The following SPATA18 variants were observed in gnomAD, a reference collection of about 807,000 sequenced individuals.
SPATA18 encodes spermatogenesis associated 18, also known as mitochondria-eating protein.
A neutral mutation model predicts 68.1 loss-of-function variants in SPATA18; 54 were observed. The ratio of observed to expected loss-of-function variants is 0.79; its 90% CI spans 0.64 to 0.99. The LOEUF is 0.99. SPATA18 is among the 50% of genes least tolerant of loss of function. The probability of loss-of-function intolerance (pLI) is 0.00; values close to 1 mark genes in which losing one functional copy is unlikely to be tolerated. For missense variants in SPATA18, 724 were observed against 681.1 expected (o/e 1.06, Z -0.70); for synonymous variants, 242 against 244.8 (o/e 0.99, Z 0.11).
chr4:52,095,136 G>A lies in SPATA18; in HGVS notation c.*249G>A, dbSNP rs1184707161. On this transcript the variant is annotated 3_prime_UTR_variant, in exon 13 of 13. Transcript: ENST00000295213. ...ATAAAAATGATTGTATAGGCATTTA[G>A]GATCATATTCATTCGAAGCAAAGTC... 7.5e-6 allele frequency: 4 copies of A among 535,874 alleles called. No homozygotes were observed. Among genetic ancestry groups the A allele is most frequent in the South Asian group, 2.8e-5 (1 of 35,782 alleles). 33.2% of individuals were successfully genotyped at this position (535,874 alleles called of 1,614,324 possible).
rs1158595308 is a variant in SPATA18, at chr4:52,078,768, C to T, written c.1054C>T (p.His352Tyr). 8 of 1,591,542 alleles carry T rather than the reference C, an allele frequency of 5.0e-6. No homozygotes were observed. The highest frequency in any genetic ancestry group is 6.9e-6 in the Non-Finnish European group (8 of 1,162,410). The change falls in exon 8 of 13, where the codon CAC (histidine) becomes TAC (tyrosine). Residue 352 changes from histidine (H) to tyrosine (Y), a missense_variant. Physicochemically the swap from His to Tyr is moderately conservative, Grantham distance 83. Transcript: ENST00000295213. ...AFHVAKMAFR[H>Y]FKIHVRKSLT... is the part of the protein sequence containing the mutation. ...CCATGTAGCAAAAATGGCATTCAGA[C>T]ACTTCAAGATCCATGTGAGAAAATC...
chr4:52,071,846 C>A, intron 5 of SPATA18, 71 bp from the exon 6 acceptor site: 1 of 1,491,956 alleles, frequency 6.7e-7, no homozygotes, highest in Non-Finnish European at 9.1e-7. Context: ...TGCTTATTAC[C>A]TTTCCTTCCT....
At chr4:52,089,817 A>C (rs1030037259) in intron 11 of SPATA18, among the ~76,000 whole-genome samples, 6 of 152,178 alleles carry the variant, frequency 3.9e-5, no homozygotes, top group African/African-American at 1.2e-4. Context: ...TCTAGACCTG[A>C]GTTCAAGTCC....
chr4:52,060,398 T>C (rs374357974), intron 1 of SPATA18, 21 bp from the exon 2 acceptor site: 211 of 1,603,348 alleles, frequency 1.3e-4, no homozygotes, highest in East Asian at 2.0e-4. Flanking sequence ...ACCCTGGTTA[T>C]CTACTGTTTT....
chr4:52,059,174 C>A (rs1738611376), intron 1 of SPATA18, among the ~76,000 whole-genome samples: 1 of 152,184 alleles, frequency 6.6e-6, no homozygotes, highest in Non-Finnish European at 1.5e-5. Context: ...TTGGTTGATG[C>A]AGATGTGCTT....
chr4:52,060,628 CTGACCTGA>C, intron 2 of SPATA18, 104 bp downstream of exon 2: 2 of 1,241,722 alleles, frequency 1.6e-6, no homozygotes, highest in Non-Finnish European at 2.3e-6. Flanking sequence ...GTTTCTCTCA[CTGACCTGA>C]TGACCTGATG....
In SPATA18 at chr4:52,095,181, T is replaced by G. The variant is rs1431564060; in HGVS notation, c.*294T>G. Reference sequence around the variant, plus strand: ...AAAGTCCGTTACAAAGGTTCAAGATTTCCATCTCAAAACACTACGCTCTTT... The same window carrying G: ...AAAGTCCGTTACAAAGGTTCAAGATGTCCATCTCAAAACACTACGCTCTTT... On this transcript the variant is annotated 3_prime_UTR_variant, in exon 13 of 13. Transcript: ENST00000295213. The G allele has an allele frequency of 2.2e-6, 1 of 461,594 alleles. No homozygotes were observed. Among genetic ancestry groups the G allele is most frequent in the Non-Finnish European group, 3.8e-6 (1 of 261,972 alleles). 28.6% of individuals were successfully genotyped at this position (461,594 alleles called of 1,614,324 possible). A position where few individuals can be genotyped will look rare whatever the true frequency, so the allele number is the denominator to read the frequency against.
intron 7 of SPATA18, 187 bp from the exon 8 acceptor site, chr4:52,078,548 A>G: frequency 6.3e-6 from 3 of 474,488 alleles, no homozygotes; most frequent in Admixed American, 7.2e-5. Flanking sequence ...ATGGATTATT[A>G]TATGTTTATG....
chr4:52,078,104 G>T (rs1740555644), intron 7 of SPATA18, among the ~76,000 whole-genome samples: 1 of 21,432 alleles, frequency 4.7e-5, no homozygotes, highest in African/African-American at 7.2e-5. Context: ...TTTTTAAAGG[G>T]TTGTAAAAAA....
chr4:52,074,306 C>T (rs1201670530), intron 6 of SPATA18, among the ~76,000 whole-genome samples: 1 of 152,066 alleles, frequency 6.6e-6, no homozygotes. Context: ...GCCATAAGAG[C>T]CCAGGAGTGG....
At chr4:52,068,456 G>A (rs1739509352) in intron 4 of SPATA18, among the ~76,000 whole-genome samples, 1 of 152,224 alleles carries the variant, frequency 6.6e-6, no homozygotes, top group African/African-American at 2.4e-5. Context: ...TGGGAATGGA[G>A]TGCCGAGAAG....
chr4:52,094,170 A>G (rs1376209041), intron 11 of SPATA18, among the ~76,000 whole-genome samples: 1 of 152,170 alleles, frequency 6.6e-6, no homozygotes, highest in African/African-American at 2.4e-5. Flanking sequence ...GACCCTTCTT[A>G]ATAGAGCAGA....
chr4:52,094,921 G>A lies in SPATA18; in HGVS notation c.*34G>A. 1.9e-6 allele frequency: 3 copies of A among 1,613,796 alleles called. No individual in the cohort carries two copies. Among genetic ancestry groups the A allele is most frequent in the Non-Finnish European group, 2.5e-6 (3 of 1,179,756 alleles). On this transcript the variant is annotated 3_prime_UTR_variant, in exon 13 of 13. Coordinates refer to ENST00000295213, the MANE Select transcript of SPATA18 (RefSeq NM_145263.4). ...GACCTGCTCCTTTGACCCAGTGCGT[G>A]GAAACAGCTGCTTTCTCCAGTGCCG... is the stretch of plus-strand genomic sequence containing the variant.
intron 11 of SPATA18, among the ~76,000 whole-genome samples, chr4:52,090,669 G>T (rs1055739371): frequency 6.6e-6 from 1 of 152,140 alleles, no homozygotes; most frequent in Non-Finnish European, 1.5e-5. Context: ...TTAGTATGAT[G>T]AGCTTCCCTT....
In SPATA18 at chr4:52,078,777, A is replaced by G. The variant is rs1359146988; in HGVS notation, c.1063A>G (p.Ile355Val). 5 of 1,606,226 alleles carry G rather than the reference A, an allele frequency of 3.1e-6. No individual in the cohort carries two copies. Among genetic ancestry groups the G allele is most frequent in the Non-Finnish European group, 4.3e-6 (5 of 1,173,690 alleles). The change falls in exon 8 of 13, where the codon ATC becomes GTC. Residue 355 changes from isoleucine to valine, a missense_variant. Transcript: ENST00000295213. ...VAKMAFRHFK[I>V]HVRKSLTPSY... is the part of the protein sequence containing the mutation. ...AAAAATGGCATTCAGACACTTCAAGATCCATGTGAGAAAATCGTTGACACC... is the reference window on the plus strand; with the variant it reads ...AAAAATGGCATTCAGACACTTCAAGGTCCATGTGAGAAAATCGTTGACACC...
rs1202277599 is a variant in SPATA18 at position 52,060,872 on chromosome 4, T to G, written c.284T>G (p.Val95Gly). 3.7e-6 allele frequency: 6 copies of G among 1,613,850 alleles called. No individual in the cohort carries two copies. Among genetic ancestry groups the G allele is most frequent in the Non-Finnish European group, 4.2e-6 (5 of 1,179,922 alleles). ...SFTAASLGKSVDSKVPSLQDT... is the reference protein window; with the variant it reads ...SFTAASLGKSGDSKVPSLQDT... ...ACTGCTGCTTCCCTGGGAAAATCTG[T>G]TGACAGCAAGGTCCCCTCTCTGCAG... is the stretch of plus-strand genomic sequence containing the variant. The change falls in exon 3 of 13, where the codon GTT becomes GGT. Residue 95 changes from valine to glycine, a missense_variant. Coordinates refer to ENST00000295213, the MANE Select transcript of SPATA18 (RefSeq NM_145263.4).
rs1739044742 is a variant in SPATA18, at chr4:52,063,294, TTC to T, written c.422+964_422+965del. Among the ~76,000 whole-genome samples, 3 of 152,196 alleles carry T rather than the reference TTC, an allele frequency of 2.0e-5. No individual in the cohort carries two copies. The South Asian group carries it at 6.2e-4, about 31-fold the overall frequency. On this transcript the variant is annotated intron_variant, in intron 4 of 12. Transcript: ENST00000295213. ...GCCTGATTATAAAAGTAATACAAAT[TTC>T]TTTCTCAAAATGCATACAACAAATA...
intron 1 of SPATA18, among the ~76,000 whole-genome samples, chr4:52,059,941 A>C (rs1245623261): frequency 6.6e-6 from 1 of 152,194 alleles, no homozygotes; most frequent in Non-Finnish European, 1.5e-5. Flanking sequence ...GAGTAGGATT[A>C]TTGCTATAAA....
intron 2 of SPATA18, 76 bp from the exon 3 acceptor site, chr4:52,060,706 G>T (rs1052010533): frequency 4.0e-6 from 5 of 1,260,688 alleles, no homozygotes; most frequent in African/African-American, 3.0e-5. Context: ...TGTACACAAC[G>T]TGCAGGTTAG....
Sources: allele counts gnomAD v4.1 joint callset (sites outside exome capture counted in the v4.1 genomes callset), GRCh38; gene constraint gnomAD v4.1.1; transcripts MANE v1.5; gene names NCBI Gene and HGNC (gene_info 2026-07-23, HGNC 2026-07-21).